AGBL4: variants seen among roughly 807,000 people sequenced by gnomAD.
AGBL4 encodes cytosolic carboxypeptidase 6.
Under a neutral mutation model 66.4 loss-of-function variants are expected in AGBL4, and 58 were observed. The ratio of observed to expected loss-of-function variants is 0.87; its 90% CI spans 0.71 to 1.09. AGBL4 has a LOEUF of 1.09. Among genes scored for constraint, AGBL4 ranks in the 50% least tolerant of loss-of-function variants. The probability of loss-of-function intolerance (pLI) is 0.00; values close to 1 mark genes in which losing one functional copy is unlikely to be tolerated. For missense variants in AGBL4, 579 were observed against 631.0 expected (o/e 0.92, Z 0.88); for synonymous variants, 234 against 222.9 (o/e 1.05, Z -0.44).
chr1:48,716,651 ATG>A (rs774581279), intron 6 of AGBL4, among the ~76,000 whole-genome samples: 13 of 152,148 alleles, frequency 8.5e-5, no homozygotes, highest in Non-Finnish European at 1.9e-4. Context: ...AATCAATTTT[ATG>A]TGTCCACAAG....
intron 9 of AGBL4, among the ~76,000 whole-genome samples, chr1:48,600,332 A>G (rs1025541078): frequency 6.6e-6 from 1 of 152,162 alleles, no homozygotes. Flanking sequence ...GGGGAGGATA[A>G]TAATAACAAC....
chr1:48,762,975 G>A (rs1034469780), intron 6 of AGBL4, among the ~76,000 whole-genome samples: 1 of 151,954 alleles, frequency 6.6e-6, no homozygotes, highest in African/African-American at 2.4e-5. Flanking sequence ...AATAATTCAC[G>A]CAACCCACCG....
intron 9 of AGBL4, among the ~76,000 whole-genome samples, chr1:48,603,949 AAACAAC>A (rs573631069): frequency 1.3e-5 from 2 of 151,584 alleles, no homozygotes; most frequent in East Asian, 1.9e-4. Context: ...AAAAACAACA[AAACAAC>A]AACAACAACA....
chr1:49,873,786 C>G (rs1399702923), intron 1 of AGBL4, among the ~76,000 whole-genome samples: 2 of 152,014 alleles, frequency 1.3e-5, no homozygotes, highest in East Asian at 3.9e-4. Context: ...CTTATTTCTT[C>G]CAGGCGTGCC....
At chr1:48,999,294 G>A (rs888259099) in intron 5 of AGBL4, among the ~76,000 whole-genome samples, 4 of 152,120 alleles carry the variant, frequency 2.6e-5, no homozygotes, top group Admixed American at 2.6e-4. Flanking sequence ...GGCTGTGCTT[G>A]GATTTCAATT....
intron 2 of AGBL4, among the ~76,000 whole-genome samples, chr1:49,843,768 T>G (rs1380447707): frequency 1.3e-5 from 2 of 152,170 alleles, no homozygotes; most frequent in African/African-American, 4.8e-5. Flanking sequence ...GGCTTACCTT[T>G]TTTTTAAAAA....
chr1:48,817,836 C>T, intron 6 of AGBL4: 1 of 583,902 alleles, frequency 1.7e-6, no homozygotes, highest in East Asian at 2.8e-5. Flanking sequence ...GGACTAACCT[C>T]AGCTCATACC....
At chr1:48,882,723 CCTGT>C (rs747814625) in intron 5 of AGBL4, among the ~76,000 whole-genome samples, 4 of 152,176 alleles carry the variant, frequency 2.6e-5, no homozygotes, top group Non-Finnish European at 5.9e-5. Flanking sequence ...ACTTATCCCT[CCTGT>C]CTAACTGAAA....
At chr1:49,873,159 T>C (rs547840592) in intron 1 of AGBL4, among the ~76,000 whole-genome samples, 2 of 152,088 alleles carry the variant, frequency 1.3e-5, no homozygotes, top group South Asian at 2.1e-4. Flanking sequence ...ATATGGCCTA[T>C]ATCAGGTTTC....
At chr1:49,318,449 C>T (rs1186495383) in intron 3 of AGBL4, among the ~76,000 whole-genome samples, 1 of 151,738 alleles carries the variant, frequency 6.6e-6, no homozygotes, top group African/African-American at 2.4e-5. Context: ...ATAGCAAACA[C>T]ATGGGGCTTA....
intron 1 of AGBL4, among the ~76,000 whole-genome samples, chr1:49,906,660 T>C (rs1240349349): frequency 6.6e-6 from 1 of 152,060 alleles, no homozygotes; most frequent in African/African-American, 2.4e-5. Flanking sequence ...CTGAAAAATA[T>C]ACCTAGTCCA....
At chr1:49,194,843 T>G (rs1041098430) in intron 4 of AGBL4, among the ~76,000 whole-genome samples, 3 of 145,814 alleles carry the variant, frequency 2.1e-5, no homozygotes, top group Non-Finnish European at 3.1e-5. Flanking sequence ...ATTGATCTGT[T>G]TTTTTTTTTT....
intron 5 of AGBL4, among the ~76,000 whole-genome samples, chr1:48,973,519 T>C (rs1320482926): frequency 3.9e-5 from 6 of 152,170 alleles, no homozygotes; most frequent in African/African-American, 1.4e-4. Flanking sequence ...GGCCTACTTA[T>C]GCTTTGTCTC....
chr1:49,732,799 T>C (rs981372678), intron 2 of AGBL4, among the ~76,000 whole-genome samples: 1 of 152,120 alleles, frequency 6.6e-6, no homozygotes, highest in Non-Finnish European at 1.5e-5. Context: ...AACATGTGTG[T>C]AATAGTATTT....
chr1:49,202,455 G>GCCAAAAAATAAA (rs1553165854), intron 4 of AGBL4, among the ~76,000 whole-genome samples: 1 of 152,006 alleles, frequency 6.6e-6, no homozygotes, highest in Non-Finnish European at 1.5e-5. Context: ...AGAATAGAGA[G>GCCAAAAAATAAA]CCAAAAAATA....
chr1:49,681,838 G>A (rs535234690), intron 3 of AGBL4, among the ~76,000 whole-genome samples: 2 of 152,002 alleles, frequency 1.3e-5, no homozygotes, highest in Non-Finnish European at 2.9e-5. Context: ...CTTTTGTATT[G>A]GTCATTGGCT....
Position 49,753,160 on chromosome 1 carries a change from T to C in AGBL4, c.158-55723A>G, listed in dbSNP as rs556685127. 5.3e-5 allele frequency among the ~76,000 whole-genome samples: 8 copies of C among 152,314 alleles called. No individual in the cohort carries two copies. The East Asian group carries it at 1.5e-3, about 29-fold the overall frequency. ...ATTACTTGATGCAGTTTCTTCATAG[T>C]GTCAATGATCTTTACATTTTGGTAT... On this transcript the variant is annotated intron_variant, in intron 2 of 13. Coordinates refer to ENST00000371839, the MANE Select transcript of AGBL4 (RefSeq NM_032785.4).
chr1:48,563,982 A>G (rs988136404), intron 11 of AGBL4, among the ~76,000 whole-genome samples: 27 of 152,262 alleles, frequency 1.8e-4, no homozygotes, highest in African/African-American at 6.5e-4. Context: ...ACATTTGTGT[A>G]CCTTCTCCTG....
chr1:48,974,641 C>T (rs1382969390), intron 5 of AGBL4, among the ~76,000 whole-genome samples: 2 of 151,998 alleles, frequency 1.3e-5, no homozygotes, highest in African/African-American at 4.8e-5. Context: ...TTATTACTTC[C>T]CCATTTGACT....
Sources: gnomAD v4.1 joint callset for allele counts (sites outside exome capture counted in the v4.1 genomes callset) on GRCh38, gnomAD v4.1.1 for gene constraint, MANE v1.5 for transcripts, NCBI Gene and HGNC (gene_info 2026-07-23, HGNC 2026-07-21) for gene names.